VPS4B: variants seen among roughly 807,000 people sequenced by gnomAD.
VPS4B encodes the protein vacuolar protein sorting 4 homolog B, also known as vacuolar protein sorting-associated protein 4B.
In VPS4B, 23 loss-of-function variants were observed where a neutral mutation model predicts 56.1. The observed-to-expected ratio is 0.41, with a 90% CI of 0.30 to 0.58. VPS4B has a LOEUF of 0.58. VPS4B is among the 20% of genes least tolerant of loss of function. The pLI is 0.29. For synonymous variants in VPS4B, 177 were observed against 186.0 expected, an observed-to-expected ratio of 0.95 and a Z score of 0.39; for missense variants, 372 against 531.9, an observed-to-expected ratio of 0.70 and a Z score of 2.96.
intron 1 of VPS4B, among the ~76,000 whole-genome samples, chr18:63,419,778 T>A (rs1227222524): frequency 6.6e-6 from 1 of 152,238 alleles, no homozygotes; most frequent in African/African-American, 2.4e-5. Context: ...TCATTTAAAA[T>A]TTTTGGACCC....
chr18:63,392,478 T>A (rs1279503433), intron 10 of VPS4B, among the ~76,000 whole-genome samples: 1 of 152,226 alleles, frequency 6.6e-6, no homozygotes, highest in African/African-American at 2.4e-5. Context: ...AGACAGAGTC[T>A]CGCTCTGTTG....
At chr18:63,419,833 G>A (rs1916254593) in intron 1 of VPS4B, among the ~76,000 whole-genome samples, 1 of 152,208 alleles carries the variant, frequency 6.6e-6, no homozygotes, top group South Asian at 2.1e-4. Context: ...AAAACCACAG[G>A]GAAGTGGAGA....
At chr18:63,396,787 G>T (rs561337869) in intron 9 of VPS4B, 4 of 409,146 alleles carry the variant, frequency 9.8e-6, no homozygotes, top group South Asian at 2.8e-5. Context: ...TCAGGAGTTC[G>T]AGACCAGCCT....
chr18:63,404,703 A>T (rs1224129388), intron 4 of VPS4B: 1 of 152,226 alleles, frequency 6.6e-6, no homozygotes, highest in African/African-American at 2.4e-5. Flanking sequence ...CTAAGATGAC[A>T]TGTAGTTAGT....
At chr18:63,422,205 T>A in intron 1 of VPS4B, 28 bp downstream of exon 1, 12 of 1,476,048 alleles carry the variant, frequency 8.1e-6, no homozygotes, top group Non-Finnish European at 1.1e-5. Context: ...CCCAGCTCCC[T>A]AGGGGGACGG....
chr18:63,410,531 C>T, intron 2 of VPS4B, 85 bp from the exon 3 acceptor site: 1 of 1,502,024 alleles, frequency 6.7e-7, no homozygotes, highest in African/African-American at 1.4e-5. Context: ...TTTTTTCAGA[C>T]AAGGAAATTC....
At chr18:63,392,777 G>C (rs575756417) in intron 10 of VPS4B, among the ~76,000 whole-genome samples, 3 of 147,760 alleles carry the variant, frequency 2.0e-5, no homozygotes, top group African/African-American at 7.5e-5. Flanking sequence ...TGGAGACAGA[G>C]TCTCGCTCTG....
intron 8 of VPS4B, among the ~76,000 whole-genome samples, chr18:63,398,971 A>C (rs1387876854): frequency 6.6e-6 from 1 of 152,202 alleles, no homozygotes; most frequent in East Asian, 1.9e-4. Flanking sequence ...TGCCCACCAA[A>C]CTTAATCAGA....
At chr18:63,396,387 G>A (rs911443885) in intron 9 of VPS4B, 1 of 152,200 alleles carries the variant, frequency 6.6e-6, no homozygotes, top group African/African-American at 2.4e-5. Context: ...CAAGTAGCTG[G>A]GACTACAGGA....
rs1916327553 is a variant in VPS4B at position 63,422,364 on chromosome 18, G to A, written c.-105C>T. 1 of 1,157,548 alleles carries A rather than the reference G, an allele frequency of 8.6e-7. No homozygotes were observed. Among genetic ancestry groups the A allele is most frequent in the South Asian group, 2.2e-5 (1 of 46,294 alleles). The allele number at this position is 1,157,548 out of a possible 1,614,324, so 71.7% of individuals were successfully genotyped here. On this transcript the variant is annotated 5_prime_UTR_variant, in exon 1 of 11. Coordinates refer to ENST00000238497, the MANE Select transcript of VPS4B (RefSeq NM_004869.4). ...AACAGCCCTCAAACTGGGGAGGCCG[G>A]TGGTTCTCGGACCGCGAAGGGCAGC... is the stretch of plus-strand genomic sequence containing the variant.
rs1568087987 is a variant in VPS4B at position 63,407,282 on chromosome 18, T to TAAA, written c.364+147_364+149dup. ...GAGGGCAAACCCTAAGAAAACACTC[T>TAAA]AAACAAAGCCAGCACATGACTATTG... On this transcript the variant is annotated intron_variant, in intron 4 of 10. Transcript: ENST00000238497. 4 of 682,698 alleles carry TAAA rather than the reference T, an allele frequency of 5.9e-6. No individual in the cohort carries two copies. In the Admixed American group the frequency reaches 1.3e-4, roughly 22 times the overall value. 42.3% of individuals were successfully genotyped at this position (682,698 alleles called of 1,614,324 possible).
Position 63,400,571 on chromosome 18 carries a change from GA to G in VPS4B, c.616del (p.Ser206LeufsTer4). 1 of 1,607,072 alleles carries G rather than the reference GA, an allele frequency of 6.2e-7. No homozygotes were observed. Among genetic ancestry groups the G allele is most frequent in the South Asian group, 1.1e-5 (1 of 88,822 alleles). ...FFSISSSDLV[S>X]KWLGESEKLV... ...CTTTTCACTTTCACCTAGCCACTTA[GA>G]AACAAGATCAGAGGAAGATATTGAA... On this transcript the variant is annotated frameshift_variant, in exon 6 of 11. Transcript: ENST00000238497. LOFTEE classifies it high-confidence loss of function.
At position 63,392,009 on chromosome 18, in the gene VPS4B, A is replaced by G. The variant is rs532853046; in HGVS notation, c.1234-933T>C. Among the ~76,000 whole-genome samples the G allele has an allele frequency of 3.9e-5, 6 of 152,326 alleles. No individual in the cohort carries two copies. The South Asian group carries it at 1.2e-3, about 32-fold the overall frequency. The stretch of plus-strand genomic sequence containing the variant: ...CAAAGTACAAAAAATAAAAAATAAT[A>G]CACCAAGGATTAAAACAAAGGGGTT... On this transcript the variant is annotated intron_variant, in intron 10 of 10. Coordinates refer to ENST00000238497, the MANE Select transcript of VPS4B (RefSeq NM_004869.4).
At chr18:63,402,938 A>G (rs1915843420) in intron 5 of VPS4B, among the ~76,000 whole-genome samples, 2 of 152,236 alleles carry the variant, frequency 1.3e-5, no homozygotes, top group Admixed American at 6.5e-5. Flanking sequence ...TGCAAAAGGA[A>G]AAACCTCTGA....
chr18:63,393,055 T>C (rs1304730376), intron 10 of VPS4B, among the ~76,000 whole-genome samples: 1 of 152,116 alleles, frequency 6.6e-6, no homozygotes, highest in Non-Finnish European at 1.5e-5. Flanking sequence ...AAATCTGAGA[T>C]GCAGGGGAAA....
In VPS4B at chr18:63,405,882, A is replaced by G. The variant is rs548367733; in HGVS notation, c.364+1550T>C. ...GTGCCTGTGTTCCCAGCTACTCAGG[A>G]GGCTGAGGCAGGAGAATCCCTGGAA... On this transcript the variant is annotated intron_variant, in intron 4 of 10. Coordinates refer to ENST00000238497, the MANE Select transcript of VPS4B (RefSeq NM_004869.4). Among the ~76,000 whole-genome samples the G allele has an allele frequency of 1.4e-4, 21 of 152,176 alleles. No individual in the cohort carries two copies. The South Asian group carries it at 3.9e-3, about 29-fold the overall frequency.
Position 63,393,509 on chromosome 18 carries a change from T to C in VPS4B, c.1133A>G (p.Asp378Gly). ...PSRADPNHLV[D>G]DLLTPCSPGD... ...TGGAGAGCAAGGTGTTAGCAGATCA[T>C]CTACAAGATGGTTAGGATCAGCTCG... The change falls in exon 10 of 11, where the codon GAT becomes GGT. Residue 378 changes from aspartate (D) to glycine (G), a missense_variant. This residue lies in a region of VPS4B where 153 missense variants were observed against 190.9 expected (regional missense o/e 0.80). Transcript: ENST00000238497. 2 of 1,611,120 alleles carry C rather than the reference T, an allele frequency of 1.2e-6. No homozygotes were observed. Among genetic ancestry groups the C allele is most frequent in the East Asian group, 2.2e-5 (1 of 44,666 alleles).
At chr18:63,404,022 T>C (rs1244866200) in intron 4 of VPS4B, among the ~76,000 whole-genome samples, 196 bp from the exon 5 acceptor site, 1 of 152,188 alleles carries the variant, frequency 6.6e-6, no homozygotes, top group Non-Finnish European at 1.5e-5. Context: ...GGTGGATGAC[T>C]AGACAACCTG....
At chr18:63,395,402 A>G (rs1353199033) in intron 9 of VPS4B, among the ~76,000 whole-genome samples, 2 of 152,228 alleles carry the variant, frequency 1.3e-5, no homozygotes, top group African/African-American at 2.4e-5. Context: ...TATGAGTATT[A>G]TATCACTTCA....
Sources: allele counts gnomAD v4.1 joint callset (sites outside exome capture counted in the v4.1 genomes callset), GRCh38; gene constraint gnomAD v4.1.1; regional missense constraint gnomAD v4.1.1; transcripts MANE v1.5; gene names NCBI Gene and HGNC (gene_info 2026-07-23, HGNC 2026-07-21).